The following SIPA1L3 variants were observed in gnomAD, a reference collection of about 807,000 sequenced individuals.
SIPA1L3 encodes signal induced proliferation associated 1 like 3.
In SIPA1L3, 59 loss-of-function variants were observed where a neutral mutation model predicts 150.1. The ratio of observed to expected loss-of-function variants is 0.39; its 90% CI spans 0.32 to 0.49. The LOEUF (loss-of-function observed/expected upper bound fraction) is 0.49, where lower values mean the gene tolerates loss of function less well. Among genes scored for constraint, SIPA1L3 ranks in the 20% least tolerant of loss-of-function variants. The pLI, the probability that SIPA1L3 is intolerant of heterozygous loss-of-function variation, is 0.86. For synonymous variants in SIPA1L3, 1,070 were observed against 1,077.6 expected, an observed-to-expected ratio of 0.99 and a Z score of 0.14; for missense variants, 2,211 against 2,489.5, an observed-to-expected ratio of 0.89 and a Z score of 2.38.
intron 1 of SIPA1L3, among the ~76,000 whole-genome samples, chr19:38,000,940 T>C (rs1399945599): frequency 1.6e-5 from 2 of 127,160 alleles, no homozygotes; most frequent in African/African-American, 6.2e-5. Context: ...ATAACATATA[T>C]AACATATAAC....
rs1032146030 is a variant in SIPA1L3, at chr19:38,202,066, A to G, written c.5120+69A>G. 3.4e-6 allele frequency: 5 copies of G among 1,476,898 alleles called. No homozygotes were observed. In the African/African-American group the frequency reaches 5.6e-5, roughly 17 times the overall value. 91.5% of individuals were successfully genotyped at this position (1,476,898 alleles called of 1,614,324 possible). A position where few individuals can be genotyped will look rare whatever the true frequency, so the allele number is the denominator to read the frequency against. On this transcript the variant is annotated intron_variant, in intron 20 of 21. Coordinates refer to ENST00000222345, the MANE Select transcript of SIPA1L3 (RefSeq NM_015073.3). ...CCTGTGCAGTGGAAGAGGCTTACCC[A>G]GAGAGAGGCAGCCATGTGGGTCACC... is the stretch of plus-strand genomic sequence containing the variant.
At chr19:37,983,654 C>T (rs890708176) in intron 1 of SIPA1L3, among the ~76,000 whole-genome samples, 4 of 152,046 alleles carry the variant, frequency 2.6e-5, no homozygotes, top group Non-Finnish European at 4.4e-5. Context: ...CCTGTAATCC[C>T]AGCACTCTTG....
At chr19:38,090,968 C>T (rs894794827) in intron 4 of SIPA1L3, among the ~76,000 whole-genome samples, 1 of 152,234 alleles carries the variant, frequency 6.6e-6, no homozygotes, top group East Asian at 1.9e-4. Context: ...CCTCTCCTCC[C>T]TCTACCCACC....
At chr19:38,085,535 A>G (rs1970108629) in intron 3 of SIPA1L3, among the ~76,000 whole-genome samples, 1 of 152,174 alleles carries the variant, frequency 6.6e-6, no homozygotes, top group Admixed American at 6.5e-5. Context: ...GAAAAAGCCA[A>G]TGAGGCAATG....
chr19:38,108,106 C>A (rs961479325), intron 7 of SIPA1L3, among the ~76,000 whole-genome samples: 1 of 152,116 alleles, frequency 6.6e-6, no homozygotes, highest in East Asian at 1.9e-4. Flanking sequence ...GGCCTTGAGT[C>A]CCTGCTGTGT....
intron 1 of SIPA1L3, among the ~76,000 whole-genome samples, chr19:38,007,015 G>C (rs1967958452): frequency 1.3e-5 from 2 of 152,204 alleles, no homozygotes; most frequent in Non-Finnish European, 2.9e-5. Flanking sequence ...CGTGTCTGTG[G>C]TGCTGCTAAG....
intron 1 of SIPA1L3, among the ~76,000 whole-genome samples, chr19:37,982,926 C>T (rs1967237996): frequency 6.6e-6 from 1 of 152,180 alleles, no homozygotes; most frequent in African/African-American, 2.4e-5. Context: ...GTTCCTGTGG[C>T]CTCCCTGGGT....
chr19:38,088,709 C>T lies in SIPA1L3; in HGVS notation c.1535-12C>T. The T allele has an allele frequency of 6.2e-7, 1 of 1,612,554 alleles. No individual in the cohort carries two copies. Among genetic ancestry groups the T allele is most frequent in the Non-Finnish European group, 8.5e-7 (1 of 1,179,122 alleles). ...ACAGCTGAGCCTGAACTCGCCTGCT[C>T]TTCCTTCTTAGAACATGCCAATTAC... On this transcript the variant is annotated splice_polypyrimidine_tract_variant and intron_variant, in intron 3 of 21. Transcript: ENST00000222345.
In SIPA1L3 at chr19:38,082,576, G is replaced by T; in HGVS notation, c.1011G>T (p.Gln337His). The change falls in exon 3 of 22, where the codon CAG becomes CAT. Residue 337 changes from glutamine to histidine, a missense_variant. This residue lies in a region of SIPA1L3 where 587 missense variants were observed against 534.5 expected (regional missense o/e 1.10). Coordinates refer to ENST00000222345, the MANE Select transcript of SIPA1L3 (RefSeq NM_015073.3). ...AAGCCAGCAGGCCGTGGGTGTGTCA[G>T]AAGAGCTTCGCCCACTTCGACGTGC... ...PPEASRPWVC[Q>H]KSFAHFDVQS... The T allele has an allele frequency of 6.2e-7, 1 of 1,604,218 alleles. No individual in the cohort carries two copies.
At chr19:38,202,424 C>G (rs7256443) in intron 20 of SIPA1L3, among the ~76,000 whole-genome samples, 17,548 of 151,888 alleles carry the variant, frequency 0.12, 2,988 homozygotes, top group African/African-American at 0.37. Flanking sequence ...CCCATCTCTA[C>G]TAAAAATACA....
chr19:37,936,490 A>C lies in SIPA1L3; in HGVS notation c.-379+29132A>C, dbSNP rs910587568. 2.6e-5 allele frequency among the ~76,000 whole-genome samples: 4 copies of C among 152,222 alleles called. 1 individual carries two copies. The highest frequency in any genetic ancestry group is 5.9e-5 in the Non-Finnish European group (4 of 68,040). On this transcript the variant is annotated intron_variant, in intron 1 of 21. Transcript: ENST00000222345. ...GATCATTGCTGAGCTCACCTCTCTC[A>C]TATCAGTGTTCGAAGTTAGTCTAAT...
intron 1 of SIPA1L3, among the ~76,000 whole-genome samples, chr19:37,919,541 T>G (rs1304488388): frequency 6.6e-6 from 1 of 152,044 alleles, no homozygotes; most frequent in Non-Finnish European, 1.5e-5. Flanking sequence ...GAGTCTAGGC[T>G]CTTAAACACT....
chr19:38,091,452 C>G (rs1970255896), intron 4 of SIPA1L3, among the ~76,000 whole-genome samples: 1 of 152,124 alleles, frequency 6.6e-6, no homozygotes, highest in Non-Finnish European at 1.5e-5. Context: ...TACTGCAAAT[C>G]TCCTTTATAC....
In SIPA1L3 at chr19:38,162,421, G is replaced by A. The variant is rs1972114204; in HGVS notation, c.3780+50G>A. The A allele has an allele frequency of 2.2e-6, 3 of 1,390,068 alleles. No individual in the cohort carries two copies. The African/African-American group carries it at 4.2e-5, about 20-fold the overall frequency. The allele number at this position is 1,390,068 out of a possible 1,614,324, so 86.1% of individuals were successfully genotyped here. A position where few individuals can be genotyped will look rare whatever the true frequency, so the allele number is the denominator to read the frequency against. On this transcript the variant is annotated intron_variant, in intron 14 of 21. Transcript: ENST00000222345. Reference sequence around the variant, plus strand: ...TACCGGGGGAGCCAGGCCTGCCTGGGTGTGGCCTCTGAGCTTCACACTTGA... The same window carrying A: ...TACCGGGGGAGCCAGGCCTGCCTGGATGTGGCCTCTGAGCTTCACACTTGA...
rs548017831 is a variant in SIPA1L3, at chr19:38,023,970, G to A, written c.-378-5119G>A. Among the ~76,000 whole-genome samples, 15 of 152,280 alleles carry A rather than the reference G, an allele frequency of 9.9e-5. No homozygotes were observed. The South Asian group carries it at 3.1e-3, about 32-fold the overall frequency. On this transcript the variant is annotated intron_variant, in intron 1 of 21. Coordinates refer to ENST00000222345, the MANE Select transcript of SIPA1L3 (RefSeq NM_015073.3). ...TTGGAAGCAGATGCCAGCAACAGTTGCAATCTCTGGCCGGTTAGATTGGCC... is the reference window on the plus strand; with the variant it reads ...TTGGAAGCAGATGCCAGCAACAGTTACAATCTCTGGCCGGTTAGATTGGCC...
At chr19:37,956,107 A>G (rs985274592) in intron 1 of SIPA1L3, among the ~76,000 whole-genome samples, 2 of 152,166 alleles carry the variant, frequency 1.3e-5, no homozygotes, top group African/African-American at 4.8e-5. Flanking sequence ...TTCCCGCTTC[A>G]GCCTCCTGAA....
intron 1 of SIPA1L3, among the ~76,000 whole-genome samples, chr19:37,968,670 G>A (rs1207097839): frequency 6.6e-6 from 1 of 152,188 alleles, no homozygotes; most frequent in African/African-American, 2.4e-5. Flanking sequence ...TACTAATGCT[G>A]GGTTTTTCTC....
At chr19:38,186,707 C>T (rs867133930) in intron 16 of SIPA1L3, among the ~76,000 whole-genome samples, 10 of 150,630 alleles carry the variant, frequency 6.6e-5, no homozygotes, top group Middle Eastern at 3.4e-3. Flanking sequence ...CAACCAAGGC[C>T]GAGTGTGGCG....
At chr19:37,928,098 G>A (rs1258198697) in intron 1 of SIPA1L3, among the ~76,000 whole-genome samples, 1 of 152,078 alleles carries the variant, frequency 6.6e-6, no homozygotes, top group Non-Finnish European at 1.5e-5. Context: ...TTGCTGGGTC[G>A]AACGGTAATT....
Sources: gnomAD v4.1 joint callset for allele counts (sites outside exome capture counted in the v4.1 genomes callset) on GRCh38, gnomAD v4.1.1 for gene constraint, gnomAD v4.1.1 regional missense constraint, MANE v1.5 for transcripts, NCBI Gene and HGNC (gene_info 2026-07-23, HGNC 2026-07-21) for gene names.